The following CDH13 variants were observed in gnomAD, a reference collection of about 807,000 sequenced individuals.
CDH13 encodes the protein cadherin 13.
A neutral mutation model predicts 63.8 loss-of-function variants in CDH13; 24 were observed. The ratio of observed to expected loss-of-function variants is 0.38; its 90% CI spans 0.27 to 0.53. CDH13 has a LOEUF of 0.53. Among genes scored for constraint, CDH13 ranks in the 20% least tolerant of loss-of-function variants. CDH13 has a pLI of 0.85. For missense variants in CDH13, 1,049 were observed against 903.1 expected, an observed-to-expected ratio of 1.16 and a Z score of -2.07; for synonymous variants, 503 against 355.3, an observed-to-expected ratio of 1.42 and a Z score of -4.67.
chr16:83,684,510 A>G (rs1904284443), intron 10 of CDH13, among the ~76,000 whole-genome samples: 1 of 152,236 alleles, frequency 6.6e-6, no homozygotes, highest in Non-Finnish European at 1.5e-5. Flanking sequence ...TTAGGGAGGC[A>G]GCCGGCAGCT....
chr16:83,268,759 A>G (rs751123692), intron 5 of CDH13, among the ~76,000 whole-genome samples: 6 of 152,230 alleles, frequency 3.9e-5, no homozygotes, highest in Non-Finnish European at 8.8e-5. Context: ...TATATAGTCC[A>G]TGAACTACTA....
intron 5 of CDH13, among the ~76,000 whole-genome samples, chr16:83,332,478 AG>A (rs2151904729): frequency 6.6e-6 from 1 of 152,344 alleles, no homozygotes; most frequent in South Asian, 2.1e-4. Context: ...CTTAAAAAAA[AG>A]GTATTGCATT....
rs201918806 is a variant in CDH13, at chr16:82,925,149, C to G, written c.157+66676C>G. The stretch of plus-strand genomic sequence containing the variant: ...AGGGGAAGGGCAGAGCCAACCAGAG[C>G]CCCTGGCCCTCTGTCAGGGGCTGCC... On this transcript the variant is annotated intron_variant, in intron 2 of 13. Transcript: ENST00000567109. 1.2e-4 allele frequency among the ~76,000 whole-genome samples: 18 copies of G among 152,258 alleles called. No homozygotes were observed. In the East Asian group the frequency reaches 3.5e-3, roughly 29 times the overall value.
intron 6 of CDH13, among the ~76,000 whole-genome samples, chr16:83,369,465 C>G (rs1024600438): frequency 2.0e-5 from 3 of 152,090 alleles, no homozygotes; most frequent in East Asian, 1.9e-4. Flanking sequence ...TGTTGCCAGT[C>G]TAGAGTACAG....
chr16:83,356,700 T>C (rs1490889277), intron 6 of CDH13, among the ~76,000 whole-genome samples: 2 of 152,090 alleles, frequency 1.3e-5, no homozygotes, highest in Non-Finnish European at 2.9e-5. Flanking sequence ...CTTAACCAAA[T>C]GGAAGAGATT....
intron 7 of CDH13, among the ~76,000 whole-genome samples, chr16:83,506,512 G>T (rs2074400238): frequency 6.6e-6 from 1 of 152,126 alleles, no homozygotes; most frequent in Non-Finnish European, 1.5e-5. Flanking sequence ...TCGTTCCAAT[G>T]GCATCAGCAT....
At chr16:83,541,106 C>G (rs1327701638) in intron 7 of CDH13, among the ~76,000 whole-genome samples, 4 of 152,246 alleles carry the variant, frequency 2.6e-5, no homozygotes, top group Non-Finnish European at 4.4e-5. Context: ...TAATCTCAGA[C>G]TCTCAGCCCA....
intron 5 of CDH13, among the ~76,000 whole-genome samples, chr16:83,271,091 A>T (rs1197319329): frequency 6.6e-6 from 1 of 151,964 alleles, no homozygotes; most frequent in African/African-American, 2.4e-5. Context: ...CTGCCCACTC[A>T]GCATATAAAA....
intron 1 of CDH13, among the ~76,000 whole-genome samples, chr16:82,846,757 C>A (rs1042797269): frequency 1.4e-4 from 21 of 152,056 alleles, no homozygotes; most frequent in Admixed American, 7.2e-4. Flanking sequence ...GTATCTAGGC[C>A]AGAGCCTGGC....
intron 1 of CDH13, among the ~76,000 whole-genome samples, chr16:82,642,348 G>A (rs978823296): frequency 2.0e-5 from 3 of 152,168 alleles, no homozygotes; most frequent in Non-Finnish European, 4.4e-5. Context: ...AAGTACAGTA[G>A]GCGTGGTTTA....
chr16:83,545,449 C>G (rs925530431), intron 7 of CDH13, among the ~76,000 whole-genome samples: 3 of 152,194 alleles, frequency 2.0e-5, no homozygotes, highest in African/African-American at 7.2e-5. Context: ...CAGATCCAGC[C>G]ACATCTTTCT....
At chr16:83,233,746 T>C (rs2040069855) in intron 5 of CDH13, among the ~76,000 whole-genome samples, 1 of 152,228 alleles carries the variant, frequency 6.6e-6, no homozygotes, top group South Asian at 2.1e-4. Context: ...TGGGCCCATC[T>C]ACATAATCCA....
intron 3 of CDH13, among the ~76,000 whole-genome samples, chr16:83,070,881 C>T (rs1254965654): frequency 1.5e-5 from 2 of 137,142 alleles, no homozygotes; most frequent in Non-Finnish European, 3.1e-5. Context: ...ATATCAATGA[C>T]CTAAACAACA....
intron 3 of CDH13, among the ~76,000 whole-genome samples, chr16:83,038,895 C>T (rs1597200538): frequency 2.0e-5 from 3 of 152,200 alleles, no homozygotes; most frequent in Admixed American, 6.5e-5. Context: ...GCAAGTAATT[C>T]TGACATCAGT....
intron 1 of CDH13, among the ~76,000 whole-genome samples, chr16:82,628,846 G>A (rs1026076709): frequency 3.9e-5 from 6 of 152,330 alleles, no homozygotes; most frequent in Admixed American, 3.3e-4. Flanking sequence ...CCATCTGCTA[G>A]TGGTACCAAC....
chr16:82,662,113 G>T (rs1255997966), intron 1 of CDH13, among the ~76,000 whole-genome samples: 1 of 152,220 alleles, frequency 6.6e-6, no homozygotes, highest in African/African-American at 2.4e-5. Context: ...CCATAGAATG[G>T]AGTATTCTCC....
intron 1 of CDH13, among the ~76,000 whole-genome samples, chr16:82,700,951 A>ACCCCCCCCCCCCCCCCCCCCCC (rs1287553502): frequency 2.2e-4 from 3 of 13,832 alleles, no homozygotes; most frequent in Admixed American, 1.5e-3. Flanking sequence ...AAGTGCTGGA[A>ACCCCCCCCCCCCCCCCCCCCCC]CCCGCCCCCC....
intron 1 of CDH13, among the ~76,000 whole-genome samples, chr16:82,830,401 G>T (rs1286158791): frequency 6.6e-6 from 1 of 152,196 alleles, no homozygotes; most frequent in South Asian, 2.1e-4. Flanking sequence ...GATTCATCAT[G>T]GTCCCCATGG....
rs186140245 is a variant in CDH13, at chr16:83,799,520, C to G, written c.*4490C>G. 2 of 152,036 alleles carry G rather than the reference C, an allele frequency of 1.3e-5. No homozygotes were observed. The highest frequency in any genetic ancestry group is 2.9e-5 in the Non-Finnish European group (2 of 68,018). 9.4% of individuals were successfully genotyped at this position (152,036 alleles called of 1,614,324 possible). A position where few individuals can be genotyped will look rare whatever the true frequency, so the allele number is the denominator to read the frequency against. ...TAAAGGTAGCCCATAAATCTGTTTA[C>G]GTGTAGCTGCCTTAAACATGAGTCA... On this transcript the variant is annotated 3_prime_UTR_variant, in exon 14 of 14. Transcript: ENST00000567109.
Sources: gnomAD v4.1 joint callset for allele counts (sites outside exome capture counted in the v4.1 genomes callset) on GRCh38, gnomAD v4.1.1 for gene constraint, MANE v1.5 for transcripts, NCBI Gene and HGNC (gene_info 2026-07-23, HGNC 2026-07-21) for gene names.